GRID2: variants seen among roughly 807,000 people sequenced by gnomAD.
GRID2 encodes the protein glutamate ionotropic receptor delta type subunit 2, also known as glutamate receptor ionotropic, delta-2.
Under a neutral mutation model 114.8 loss-of-function variants are expected in GRID2, and 33 were observed. The ratio of observed to expected loss-of-function variants is 0.29; its 90% CI spans 0.22 to 0.38. The LOEUF is 0.38. Ranked by LOEUF, GRID2 falls within the 10% of genes least tolerant of loss-of-function variation. The pLI, the probability that GRID2 is intolerant of heterozygous loss-of-function variation, is 1.00. For synonymous variants in GRID2, 505 were observed against 449.9 expected (o/e 1.12, Z -1.55); for missense variants, 1,184 against 1,257.7 (o/e 0.94, Z 0.89).
chr4:93,090,340 CA>C (rs1184079099), intron 3 of GRID2, among the ~76,000 whole-genome samples: 1 of 152,188 alleles, frequency 6.6e-6, no homozygotes, highest in Non-Finnish European at 1.5e-5. Context: ...TAAGTTTCTG[CA>C]TAAACCTTTC....
intron 13 of GRID2, among the ~76,000 whole-genome samples, chr4:93,614,635 A>G (rs1290870828): frequency 6.6e-6 from 1 of 152,198 alleles, no homozygotes; most frequent in Non-Finnish European, 1.5e-5. Context: ...AATAAGTAGT[A>G]ACTGATAGTA....
intron 2 of GRID2, among the ~76,000 whole-genome samples, chr4:93,048,810 G>A (rs1726417092): frequency 6.6e-6 from 1 of 152,012 alleles, no homozygotes; most frequent in Non-Finnish European, 1.5e-5. Context: ...TATGGTCCAG[G>A]CAGCCTTGAC....
At chr4:93,021,820 C>A (rs1457672546) in intron 2 of GRID2, among the ~76,000 whole-genome samples, 5 of 144,080 alleles carry the variant, frequency 3.5e-5, no homozygotes, top group Admixed American at 1.4e-4. Flanking sequence ...TTTTAATATA[C>A]TTATATAATA....
At chr4:92,943,350 C>T (rs1339328035) in intron 2 of GRID2, among the ~76,000 whole-genome samples, 2 of 152,144 alleles carry the variant, frequency 1.3e-5, no homozygotes, top group Non-Finnish European at 1.5e-5. Flanking sequence ...CACTGATACC[C>T]TTTCTTCCAG....
At chr4:93,608,264 CTATT>C (rs1560812112) in intron 13 of GRID2, among the ~76,000 whole-genome samples, 2 of 137,164 alleles carry the variant, frequency 1.5e-5, no homozygotes, top group South Asian at 2.5e-4. Flanking sequence ...TTATTTTAAA[CTATT>C]TAGTCCAACT....
At chr4:92,497,506 T>C (rs1451122841) in intron 1 of GRID2, among the ~76,000 whole-genome samples, 3 of 151,932 alleles carry the variant, frequency 2.0e-5, no homozygotes, top group African/African-American at 7.2e-5. Flanking sequence ...TATTAGCCTA[T>C]AATTTTATCT....
chr4:93,797,970 T>A (rs944543633), intron 1 of GRID2, among the ~76,000 whole-genome samples: 4 of 151,060 alleles, frequency 2.6e-5, no homozygotes, highest in African/African-American at 9.7e-5. Flanking sequence ...CTGACCAACA[T>A]GTCAAAACCC....
intron 4 of GRID2, among the ~76,000 whole-genome samples, chr4:93,142,360 C>T (rs1307806495): frequency 1.3e-5 from 2 of 152,114 alleles, no homozygotes; most frequent in Admixed American, 1.3e-4. Context: ...GCTAGGAGGT[C>T]CAAGATCAAG....
intron 4 of GRID2, among the ~76,000 whole-genome samples, chr4:93,148,662 A>G (rs959317438): frequency 2.0e-5 from 3 of 152,188 alleles, no homozygotes; most frequent in East Asian, 3.9e-4. Flanking sequence ...TAATAATAAC[A>G]TGTATAAATA....
At chr4:93,715,570 A>C (rs1728837969) in intron 14 of GRID2, among the ~76,000 whole-genome samples, 1 of 152,170 alleles carries the variant, frequency 6.6e-6, no homozygotes, top group Non-Finnish European at 1.5e-5. Flanking sequence ...TAAGCATGGA[A>C]TGTTTTTCTA....
At chr4:93,555,703 C>A (rs929776894) in intron 13 of GRID2, among the ~76,000 whole-genome samples, 3 of 152,184 alleles carry the variant, frequency 2.0e-5, no homozygotes, top group Admixed American at 1.3e-4. Context: ...AATGTTCCTG[C>A]CTGCTGGCTC....
At chr4:93,347,329 A>G (rs1760339375) in intron 8 of GRID2, among the ~76,000 whole-genome samples, 2 of 152,144 alleles carry the variant, frequency 1.3e-5, no homozygotes, top group Admixed American at 6.6e-5. Context: ...ATAATCTGAT[A>G]CACTTTTTTC....
rs555608776 is a variant in GRID2 at position 92,460,692 on chromosome 4, T to C, written c.89-129439T>C. Among the ~76,000 whole-genome samples the C allele has an allele frequency of 1.6e-3, 245 of 152,276 alleles. 1 individual carries two copies. The highest frequency in any genetic ancestry group is 2.8e-3 in the Non-Finnish European group (190 of 67,984). On this transcript the variant is annotated intron_variant, in intron 1 of 15. Transcript: ENST00000282020. The stretch of plus-strand genomic sequence containing the variant: ...TAGATTTGTGATCTTCCTATATTTT[T>C]GATGAAGGCATTTAACTCAGGACTC...
At chr4:93,554,150 A>G (rs893657518) in intron 13 of GRID2, among the ~76,000 whole-genome samples, 1 of 152,144 alleles carries the variant, frequency 6.6e-6, no homozygotes, top group Admixed American at 6.5e-5. Flanking sequence ...GAAAATTACC[A>G]CTATGAATGG....
chr4:92,477,560 C>G (rs924247530), intron 1 of GRID2, among the ~76,000 whole-genome samples: 20 of 151,830 alleles, frequency 1.3e-4, no homozygotes, highest in African/African-American at 4.8e-4. Context: ...ATTTATCACT[C>G]TAACCCTCTA....
chr4:93,771,766 C>G (rs1734130416), intron 15 of GRID2, among the ~76,000 whole-genome samples: 1 of 152,066 alleles, frequency 6.6e-6, no homozygotes, highest in South Asian at 2.1e-4. Flanking sequence ...ACAATTTTGC[C>G]TGGGTCTGTC....
At chr4:92,534,289 T>A (rs1320469983) in intron 1 of GRID2, among the ~76,000 whole-genome samples, 1 of 152,166 alleles carries the variant, frequency 6.6e-6, no homozygotes, top group East Asian at 1.9e-4. Flanking sequence ...GTAGACATAC[T>A]TGCAAAAGTG....
intron 2 of GRID2, among the ~76,000 whole-genome samples, chr4:92,653,939 A>G (rs1732103104): frequency 6.6e-6 from 1 of 152,182 alleles, no homozygotes; most frequent in South Asian, 2.1e-4. Flanking sequence ...TCACAAACAT[A>G]CATGAGAACT....
intron 7 of GRID2, among the ~76,000 whole-genome samples, chr4:93,229,577 T>G (rs1212697182): frequency 2.6e-5 from 4 of 152,172 alleles, no homozygotes; most frequent in African/African-American, 9.7e-5. Context: ...GATGGGAATA[T>G]TCTAGTGTTG....
Sources: gnomAD v4.1 joint callset for allele counts (sites outside exome capture counted in the v4.1 genomes callset) on GRCh38, gnomAD v4.1.1 for gene constraint, MANE v1.5 for transcripts, NCBI Gene and HGNC (gene_info 2026-07-23, HGNC 2026-07-21) for gene names.